The following PIP4K2A variants were observed in gnomAD, a reference collection of about 807,000 sequenced individuals.
PIP4K2A encodes the protein phosphatidylinositol 5-phosphate 4-kinase type-2 alpha.
In PIP4K2A, 14 loss-of-function variants were observed where a neutral mutation model predicts 42.9. The observed-to-expected ratio is 0.33, with a 90% confidence interval of 0.22 to 0.51. The LOEUF (loss-of-function observed/expected upper bound fraction) is 0.51, where lower values mean the gene tolerates loss of function less well. PIP4K2A is among the 20% of genes least tolerant of loss of function. The probability of loss-of-function intolerance (pLI) is 0.97; values close to 1 mark genes in which losing one functional copy is unlikely to be tolerated. For missense variants in PIP4K2A, 434 were observed against 519.8 expected, an observed-to-expected ratio of 0.83 and a Z score of 1.61; for synonymous variants, 192 against 192.2, an observed-to-expected ratio of 1.00 and a Z score of 0.01.
intron 6 of PIP4K2A, among the ~76,000 whole-genome samples, 198 bp from the exon 7 acceptor site, chr10:22,550,970 T>C (rs1189995740): frequency 1.3e-5 from 2 of 152,200 alleles, no homozygotes; most frequent in African/African-American, 4.8e-5. Context: ...CCCCAATCTC[T>C]GGAAGCATTC....
intron 1 of PIP4K2A, among the ~76,000 whole-genome samples, chr10:22,662,721 T>C (rs1171505): frequency 0.45 from 68,631 of 151,970 alleles, 16,962 homozygotes; most frequent in African/African-American, 0.63. Context: ...GAGAAATATA[T>C]TAGCACAGTA....
chr10:22,595,365 A>G (rs1564435403), intron 3 of PIP4K2A, among the ~76,000 whole-genome samples: 1 of 152,248 alleles, frequency 6.6e-6, no homozygotes, highest in East Asian at 1.9e-4. Context: ...TTCTGTCATC[A>G]TAATCATAGA....
At chr10:22,664,567 G>T in intron 1 of PIP4K2A, among the ~76,000 whole-genome samples, 1 of 150,504 alleles carries the variant, frequency 6.6e-6, no homozygotes. Context: ...AGAAGTTTTC[G>T]CTCTTATGTG....
At chr10:22,609,989 C>T (rs1837993762) in intron 1 of PIP4K2A, among the ~76,000 whole-genome samples, 1 of 152,308 alleles carries the variant, frequency 6.6e-6, no homozygotes, top group African/African-American at 2.4e-5. Context: ...CTGCTTCTTG[C>T]CCATCCACTC....
intron 4 of PIP4K2A, among the ~76,000 whole-genome samples, chr10:22,580,064 C>T (rs879136847): frequency 1.3e-5 from 2 of 151,752 alleles, no homozygotes; most frequent in African/African-American, 4.9e-5. Flanking sequence ...GGCAGGAAGG[C>T]GTGAGGGAGG....
intron 1 of PIP4K2A, among the ~76,000 whole-genome samples, chr10:22,705,829 T>TA (rs1833813885): frequency 1.3e-5 from 2 of 151,816 alleles, no homozygotes; most frequent in Admixed American, 6.6e-5. Context: ...TTCCCCATTG[T>TA]ATTAGTCTGT....
intron 1 of PIP4K2A, among the ~76,000 whole-genome samples, chr10:22,613,326 G>C (rs528233401): frequency 6.6e-6 from 1 of 152,220 alleles, no homozygotes; most frequent in South Asian, 2.1e-4. Context: ...GAGATGAAGA[G>C]GGATGAGGGA....
At chr10:22,664,034 T>A (rs1457798705) in intron 1 of PIP4K2A, among the ~76,000 whole-genome samples, 1 of 104,570 alleles carries the variant, frequency 9.6e-6, no homozygotes, top group Admixed American at 9.8e-5. Flanking sequence ...TATATATACA[T>A]ATATATATAT....
At chr10:22,538,444 T>C (rs1835995940) in intron 9 of PIP4K2A, among the ~76,000 whole-genome samples, 1 of 151,716 alleles carries the variant, frequency 6.6e-6, no homozygotes, top group Non-Finnish European at 1.5e-5. Flanking sequence ...ACAAAGCATT[T>C]GTCCAGACAA....
At chr10:22,637,968 T>G (rs953160014) in intron 1 of PIP4K2A, among the ~76,000 whole-genome samples, 1 of 152,228 alleles carries the variant, frequency 6.6e-6, no homozygotes, top group Non-Finnish European at 1.5e-5. Context: ...GATGTATAAG[T>G]GAATACTATC....
At chr10:22,584,154 G>T (rs1244408434) in intron 4 of PIP4K2A, among the ~76,000 whole-genome samples, 1 of 152,022 alleles carries the variant, frequency 6.6e-6, no homozygotes, top group Non-Finnish European at 1.5e-5. Flanking sequence ...TTACAGAGGT[G>T]GGAACTCTCA....
At chr10:22,568,499 A>G (rs928658100) in intron 5 of PIP4K2A, among the ~76,000 whole-genome samples, 3 of 152,172 alleles carry the variant, frequency 2.0e-5, no homozygotes, top group African/African-American at 7.2e-5. Context: ...AGATTCCTTC[A>G]AAGACACACA....
rs71394001 is a variant in PIP4K2A at position 22,561,565 on chromosome 10, G to GT, written c.678+6285dup. Reference sequence around the variant, plus strand: ...TATGTCACCAGAGATTCTCTACGCAGTTTTTTTTTTTTTTTTTTTTTTTTT... The same window carrying GT: ...TATGTCACCAGAGATTCTCTACGCAGTTTTTTTTTTTTTTTTTTTTTTTTTT... On this transcript the variant is annotated intron_variant, in intron 6 of 9. Coordinates refer to ENST00000376573, the MANE Select transcript of PIP4K2A (RefSeq NM_005028.5). 1.3e-3 allele frequency among the ~76,000 whole-genome samples: 152 copies of GT among 113,496 alleles called. 30 individuals are homozygous for GT. Among genetic ancestry groups the GT allele is most frequent in the African/African-American group, 1.6e-3 (46 of 28,354 alleles). The allele number at this position is 113,496 out of a possible 152,430, so 74.5% of individuals were successfully genotyped here.
chr10:22,600,599 C>G (rs758038124), intron 3 of PIP4K2A, among the ~76,000 whole-genome samples: 2 of 152,152 alleles, frequency 1.3e-5, no homozygotes, highest in Non-Finnish European at 2.9e-5. Flanking sequence ...GTTTCATGGA[C>G]TGGAAATCTG....
At chr10:22,593,126 C>G (rs185030188) in intron 3 of PIP4K2A, among the ~76,000 whole-genome samples, 1 of 152,196 alleles carries the variant, frequency 6.6e-6, no homozygotes, top group Non-Finnish European at 1.5e-5. Flanking sequence ...CAGGGGTTTA[C>G]GCAGGCCCTA....
chr10:22,546,824 G>A (rs1318443849), intron 7 of PIP4K2A, among the ~76,000 whole-genome samples: 3 of 152,176 alleles, frequency 2.0e-5, no homozygotes, highest in Admixed American at 6.5e-5. Flanking sequence ...GAAAGGGGGC[G>A]TGGGCTTCAC....
intron 1 of PIP4K2A, among the ~76,000 whole-genome samples, chr10:22,660,268 C>T (rs1839178395): frequency 6.6e-6 from 1 of 152,052 alleles, no homozygotes; most frequent in East Asian, 1.9e-4. Flanking sequence ...CTCAGGAATT[C>T]GAGACCAGCC....
rs77303453 is a variant in PIP4K2A at position 22,656,033 on chromosome 10, G to T, written c.145-46316C>A. Among the ~76,000 whole-genome samples the T allele has an allele frequency of 6.3e-4, 96 of 152,242 alleles. No homozygotes were observed. The East Asian group carries it at 0.016, about 26-fold the overall frequency. ...AATCCTTAAGGGGCAAGTTCCTATC[G>T]ATCTGCTCTACGGAGCATTAAGACC... On this transcript the variant is annotated intron_variant, in intron 1 of 9. Coordinates refer to ENST00000376573, the MANE Select transcript of PIP4K2A (RefSeq NM_005028.5).
At chr10:22,650,113 G>C (rs1302444735) in intron 1 of PIP4K2A, among the ~76,000 whole-genome samples, 1 of 152,132 alleles carries the variant, frequency 6.6e-6, no homozygotes, top group Non-Finnish European at 1.5e-5. Flanking sequence ...AATCTTCTAG[G>C]CTATTCCAGA....
Sources: gnomAD v4.1 joint callset for allele counts (sites outside exome capture counted in the v4.1 genomes callset) on GRCh38, gnomAD v4.1.1 for gene constraint, MANE v1.5 for transcripts, NCBI Gene and HGNC (gene_info 2026-07-23, HGNC 2026-07-21) for gene names.